The following PADI6 variants were observed in gnomAD, a reference collection of about 807,000 sequenced individuals.
PADI6 encodes the protein peptidyl arginine deiminase 6.
Under a neutral mutation model 78.2 loss-of-function variants are expected in PADI6, and 66 were observed. The ratio of observed to expected loss-of-function variants is 0.84; its 90% CI spans 0.69 to 1.04. The LOEUF (loss-of-function observed/expected upper bound fraction) is 1.04, where lower values mean the gene tolerates loss of function less well. Ranked by LOEUF, PADI6 falls within the 50% of genes least tolerant of loss-of-function variation. PADI6 has a pLI of 0.00. For missense variants in PADI6, 854 were observed against 866.1 expected, an observed-to-expected ratio of 0.99 and a Z score of 0.18; for synonymous variants, 397 against 346.9, an observed-to-expected ratio of 1.14 and a Z score of -1.60.
intron 6 of PADI6, among the ~76,000 whole-genome samples, chr1:17,382,371 AAG>A (rs564841816): frequency 3.3e-5 from 5 of 152,314 alleles, no homozygotes; most frequent in East Asian, 1.9e-4. Context: ...GCTAGAAGAG[AAG>A]AGAGACATAT....
Position 17,401,645 on chromosome 1 carries a change from T to C in PADI6, c.*207T>C. ...CCTATGGGGAAAAGATGCAAAAGTG[T>C]TCAGCCAAGTGACGTTTACTAAATA... On this transcript the variant is annotated 3_prime_UTR_variant, in exon 16 of 16. Transcript: ENST00000619609. 3 of 581,880 alleles carry C rather than the reference T, an allele frequency of 5.2e-6. No homozygotes were observed. Among genetic ancestry groups the C allele is most frequent in the Non-Finnish European group, 9.1e-6 (3 of 328,122 alleles). 36.0% of individuals were successfully genotyped at this position (581,880 alleles called of 1,614,324 possible).
intron 4 of PADI6, 104 bp from the exon 5 acceptor site, chr1:17,380,943 C>A: frequency 1.1e-6 from 1 of 927,978 alleles, no homozygotes; most frequent in Non-Finnish European, 1.6e-6. Flanking sequence ...GGTCCCTGTA[C>A]CCTGGAGAAA....
At chr1:17,396,591 A>AG (rs1224610546) in intron 13 of PADI6, among the ~76,000 whole-genome samples, 1 of 152,174 alleles carries the variant, frequency 6.6e-6, no homozygotes, top group Non-Finnish European at 1.5e-5. Context: ...GCACCATGGA[A>AG]GGTGACATCT....
intron 2 of PADI6, among the ~76,000 whole-genome samples, chr1:17,374,256 G>C (rs191346839): frequency 2.6e-5 from 4 of 152,184 alleles, no homozygotes; most frequent in African/African-American, 9.6e-5. Flanking sequence ...CAGAGGGGTA[G>C]GTACACACAC....
At chr1:17,377,978 C>T (rs951836411) in intron 3 of PADI6, among the ~76,000 whole-genome samples, 2 of 152,166 alleles carry the variant, frequency 1.3e-5, no homozygotes, top group East Asian at 1.9e-4. Flanking sequence ...CTGTCTTTAC[C>T]GCTTGTGAAT....
chr1:17,382,335 TG>T (rs1431144237), intron 6 of PADI6, among the ~76,000 whole-genome samples: 1 of 152,140 alleles, frequency 6.6e-6, no homozygotes, highest in African/African-American at 2.4e-5. Flanking sequence ...ACTTGTAAAA[TG>T]GGGGTAGCTG....
At chr1:17,390,809 A>C (rs922330098) in intron 8 of PADI6, among the ~76,000 whole-genome samples, 1 of 152,182 alleles carries the variant, frequency 6.6e-6, no homozygotes, top group Non-Finnish European at 1.5e-5. Context: ...TATCTCGAGT[A>C]TTTGAAGACG....
rs768813199 is a variant in PADI6 at position 17,375,468 on chromosome 1, G to T, written c.336G>T (p.Val112=). The T allele has an allele frequency of 2.5e-6, 4 of 1,610,358 alleles. No individual in the cohort carries two copies. The South Asian group carries it at 4.4e-5, about 18-fold the overall frequency. ...ATGGGCCCAACGAGGATGCCCCCGT[G>T]GGCACAGCTGTGCTGTACCTCACTG... ...TYYGPNEDAP[V]GTAVLYLTGI... Residue 112 remains valine (V), a synonymous_variant, in exon 3 of 16, where the codon GTG becomes GTT. Transcript: ENST00000619609.
intron 14 of PADI6, among the ~76,000 whole-genome samples, 156 bp downstream of exon 14, chr1:17,397,297 T>C (rs2075256671): frequency 6.6e-6 from 1 of 151,612 alleles, no homozygotes; most frequent in Non-Finnish European, 1.5e-5. Context: ...CAGGCCCAGG[T>C]CTGGGGCTAG....
chr1:17,384,852 G>A (rs1338777287), intron 6 of PADI6, among the ~76,000 whole-genome samples: 1 of 152,232 alleles, frequency 6.6e-6, no homozygotes, highest in Non-Finnish European at 1.5e-5. Context: ...AGGTTGAAAT[G>A]GGGAGGCACA....
chr1:17,397,037 G>C (rs1160582466), intron 13 of PADI6, 34 bp from the exon 14 acceptor site: 7 of 1,606,502 alleles, frequency 4.4e-6, no homozygotes, highest in Non-Finnish European at 6.0e-6. Context: ...GCCATTCCCT[G>C]ACCAGCAGGC....
chr1:17,379,501 TC>T (rs2075051960), intron 3 of PADI6, among the ~76,000 whole-genome samples: 2 of 152,148 alleles, frequency 1.3e-5, no homozygotes, highest in South Asian at 4.1e-4. Context: ...AAGTGATCCA[TC>T]CACCTCAGTC....
chr1:17,383,714 G>C (rs1027160194), intron 6 of PADI6, among the ~76,000 whole-genome samples: 1 of 151,142 alleles, frequency 6.6e-6, no homozygotes, highest in African/African-American at 2.4e-5. Context: ...ATGGTGGCGG[G>C]CATGCCCGCC....
At chr1:17,381,277 CAGT>C in intron 5 of PADI6, 113 bp downstream of exon 5, 1 of 831,564 alleles carries the variant, frequency 1.2e-6, no homozygotes, top group Non-Finnish European at 1.9e-6. Flanking sequence ...CCCTCTTCCC[CAGT>C]CCCCATGCCT....
chr1:17,400,376 G>C (rs115174721), intron 15 of PADI6, among the ~76,000 whole-genome samples: 4,580 of 151,604 alleles, frequency 0.03, 100 homozygotes, highest in Non-Finnish European at 0.043. Flanking sequence ...GTGTAGTGGT[G>C]CATGCCTGTC....
intron 6 of PADI6, among the ~76,000 whole-genome samples, chr1:17,386,650 G>A (rs887264462): frequency 1.3e-5 from 2 of 152,220 alleles, no homozygotes; most frequent in Non-Finnish European, 2.9e-5. Context: ...CTAGGTAGAT[G>A]AGAAGCAGGA....
At chr1:17,381,657 G>GAGACTGGAAACA (rs371626367) in intron 5 of PADI6, among the ~76,000 whole-genome samples, 2 of 152,160 alleles carry the variant, frequency 1.3e-5, no homozygotes, top group Non-Finnish European at 2.9e-5. Context: ...GTTTCCTACT[G>GAGACTGGAAACA]AGACTGGAAA....
At chr1:17,375,066 A>G (rs1447776608) in intron 2 of PADI6, among the ~76,000 whole-genome samples, 1 of 152,020 alleles carries the variant, frequency 6.6e-6, no homozygotes, top group Non-Finnish European at 1.5e-5. Flanking sequence ...TTTAGCAGGG[A>G]GGATGTATAG....
chr1:17,379,242 A>T (rs61766770), intron 3 of PADI6, among the ~76,000 whole-genome samples: 1 of 146,836 alleles, frequency 6.8e-6, no homozygotes, highest in Non-Finnish European at 1.5e-5. Flanking sequence ...GCCTCCCGAG[A>T]AGCTGGGACT....
Sources: allele counts gnomAD v4.1 joint callset (sites outside exome capture counted in the v4.1 genomes callset), GRCh38; gene constraint gnomAD v4.1.1; transcripts MANE v1.5; gene names NCBI Gene and HGNC (gene_info 2026-07-23, HGNC 2026-07-21).